The following IL1RAP variants were observed in gnomAD, a reference collection of about 807,000 sequenced individuals.
IL1RAP encodes interleukin 1 receptor accessory protein.
IL1RAP carries 35 observed loss-of-function variants against 60.7 expected under a neutral mutation model. That is an observed-to-expected ratio of 0.58 (90% CI 0.44 to 0.76). The LOEUF (loss-of-function observed/expected upper bound fraction) is 0.76. Among genes scored for constraint, IL1RAP ranks in the 30% least tolerant of loss-of-function variants. The pLI is 0.00. For synonymous variants in IL1RAP, 268 were observed against 250.9 expected (o/e 1.07, Z -0.64); for missense variants, 572 against 693.9 (o/e 0.82, Z 1.97).
chr3:190,623,355 A>C lies in IL1RAP; in HGVS notation c.715A>C (p.Asn239His). The C allele has an allele frequency of 1.2e-6, 2 of 1,613,284 alleles. No homozygotes were observed. The highest frequency in any genetic ancestry group is 2.2e-5 in the East Asian group (1 of 44,864). The change falls in exon 7 of 12, where the codon AAT becomes CAT. Residue 239 changes from asparagine to histidine, a missense_variant. By Grantham distance (68) the Asn-to-His change is moderately conservative (BLOSUM62 1). Coordinates refer to ENST00000447382, the MANE Select transcript of IL1RAP (RefSeq NM_002182.4). ...TTCCTCTAACACAGGCTCTCCAAAA[A>C]ATGCAGTGCCCCCTGTGATCCATTC... The part of the protein sequence containing the change: ...LTVKVVGSPK[N>H]AVPPVIHSPN...
chr3:190,644,889 G>A (rs1180950287), intron 10 of IL1RAP, among the ~76,000 whole-genome samples: 1 of 152,116 alleles, frequency 6.6e-6, no homozygotes, highest in East Asian at 1.9e-4. Context: ...CAATAGACTC[G>A]TGACTCGTGG....
chr3:190,594,032 C>T (rs74979059), intron 3 of IL1RAP, among the ~76,000 whole-genome samples: 8,613 of 152,182 alleles, frequency 0.057, 376 homozygotes, highest in East Asian at 0.14. Flanking sequence ...CTTATTTGAA[C>T]AGAGGAAATA....
At chr3:190,555,065 A>G (rs1725284649) in intron 1 of IL1RAP, among the ~76,000 whole-genome samples, 1 of 152,182 alleles carries the variant, frequency 6.6e-6, no homozygotes, top group South Asian at 2.1e-4. Flanking sequence ...CTTTTGAATT[A>G]GAGAGGTTAT....
chr3:190,578,170 T>A (rs1430862898), intron 3 of IL1RAP, among the ~76,000 whole-genome samples: 2 of 152,180 alleles, frequency 1.3e-5, no homozygotes, highest in Admixed American at 6.5e-5. Context: ...TACCCCCATA[T>A]CTAAAATGAA....
At chr3:190,532,429 A>T (rs1723070905) in intron 1 of IL1RAP, among the ~76,000 whole-genome samples, 3 of 151,720 alleles carry the variant, frequency 2.0e-5, no homozygotes, top group Non-Finnish European at 4.4e-5. Context: ...CGCCCTGCTA[A>T]TTTTTTGTAT....
rs544555005 is a variant in IL1RAP at position 190,526,500 on chromosome 3, A to G, written c.-89+12281A>G. ...CTATTCTTTCAAGTTGTATCATTTC[A>G]TTAGCAAATAGTGATAAAAACGTGG... On this transcript the variant is annotated intron_variant, in intron 1 of 11. Transcript: ENST00000447382. Among the ~76,000 whole-genome samples the G allele has an allele frequency of 1.1e-4, 17 of 152,354 alleles. No individual in the cohort carries two copies. In the East Asian group the frequency reaches 3.1e-3, roughly 28 times the overall value.
At chr3:190,575,468 G>A (rs1727357751) in intron 3 of IL1RAP, among the ~76,000 whole-genome samples, 1 of 152,052 alleles carries the variant, frequency 6.6e-6, no homozygotes, top group South Asian at 2.1e-4. Context: ...GAAAGTAATG[G>A]GATATTCCTT....
chr3:190,523,501 C>G (rs1175013660), intron 1 of IL1RAP, among the ~76,000 whole-genome samples: 1 of 151,930 alleles, frequency 6.6e-6, no homozygotes, highest in East Asian at 1.9e-4. Flanking sequence ...AGTAATTTTT[C>G]CTGATTCTCT....
intron 3 of IL1RAP, among the ~76,000 whole-genome samples, chr3:190,572,321 T>C (rs1234338731): frequency 6.6e-6 from 1 of 152,246 alleles, no homozygotes; most frequent in African/African-American, 2.4e-5. Flanking sequence ...ATATGACAGA[T>C]ATTTTGACAT....
At chr3:190,594,173 G>T (rs1322903754) in intron 3 of IL1RAP, among the ~76,000 whole-genome samples, 5 of 152,336 alleles carry the variant, frequency 3.3e-5, no homozygotes, top group South Asian at 2.1e-4. Flanking sequence ...TGCAGATCGT[G>T]ATTCAATACA....
intron 9 of IL1RAP, among the ~76,000 whole-genome samples, chr3:190,641,888 C>T (rs1232831477): frequency 6.6e-6 from 1 of 152,176 alleles, no homozygotes; most frequent in African/African-American, 2.4e-5. Context: ...TCTTAGTAAA[C>T]TTTCAGCAAC....
At position 190,594,342 on chromosome 3, in the gene IL1RAP, C is replaced by T. The variant is rs79933930; in HGVS notation, c.65-9786C>T. The stretch of plus-strand genomic sequence containing the variant: ...AAGTTCAGGGCTGGTAAGGCAACTC[C>T]GCAAGTTATTCAAGGTCCCACCTCC... On this transcript the variant is annotated intron_variant, in intron 3 of 11. Coordinates refer to ENST00000447382, the MANE Select transcript of IL1RAP (RefSeq NM_002182.4). Among the ~76,000 whole-genome samples the T allele has an allele frequency of 9.3e-3, 1,409 of 152,226 alleles. 59 individuals carry two copies. The East Asian group carries it at 0.13, about 15-fold the overall frequency.
chr3:190,514,992 CG>C (rs1240548009), intron 1 of IL1RAP, among the ~76,000 whole-genome samples: 1 of 152,170 alleles, frequency 6.6e-6, no homozygotes. Context: ...AAGCAAACTT[CG>C]GCTGTTTCCT....
At chr3:190,591,275 A>G (rs1014354790) in intron 3 of IL1RAP, among the ~76,000 whole-genome samples, 2 of 152,164 alleles carry the variant, frequency 1.3e-5, no homozygotes, top group African/African-American at 4.8e-5. Context: ...TACACATGGG[A>G]ATATTTAATT....
Position 190,529,844 on chromosome 3 carries a change from C to G in IL1RAP, c.-89+15625C>G, listed in dbSNP as rs538470756. Among the ~76,000 whole-genome samples, 5 of 139,896 alleles carry G rather than the reference C, an allele frequency of 3.6e-5. No individual in the cohort carries two copies. In the South Asian group the frequency reaches 9.0e-4, roughly 25 times the overall value. 91.8% of individuals were successfully genotyped at this position (139,896 alleles called of 152,430 possible). ...CTGCACTCCAGAGTGGGCAACAGAG[C>G]GAGACTCTGACTCAAAAAAAAAAAA... is the stretch of plus-strand genomic sequence containing the variant. On this transcript the variant is annotated intron_variant, in intron 1 of 11. Coordinates refer to ENST00000447382, the MANE Select transcript of IL1RAP (RefSeq NM_002182.4).
At chr3:190,609,254 A>G in intron 5 of IL1RAP, 73 bp downstream of exon 5, 1 of 1,056,712 alleles carries the variant, frequency 9.5e-7, no homozygotes, top group Non-Finnish European at 1.4e-6. Flanking sequence ...GCTGAGTTAT[A>G]TTTATAAGCA....
At chr3:190,587,313 G>A (rs1271636584) in intron 3 of IL1RAP, among the ~76,000 whole-genome samples, 1 of 152,126 alleles carries the variant, frequency 6.6e-6, no homozygotes, top group Non-Finnish European at 1.5e-5. Context: ...CTTCATGCTC[G>A]TCATTTGTTA....
At chr3:190,618,029 C>G (rs540249057) in intron 5 of IL1RAP, among the ~76,000 whole-genome samples, 1 of 152,314 alleles carries the variant, frequency 6.6e-6, no homozygotes, top group South Asian at 2.1e-4. Context: ...CAAAAGTGTG[C>G]TTCCTCAGTT....
intron 1 of IL1RAP, among the ~76,000 whole-genome samples, chr3:190,524,986 G>T (rs1257254399): frequency 7.4e-6 from 1 of 134,426 alleles, no homozygotes; most frequent in Non-Finnish European, 1.7e-5. Context: ...TTATGTCTAT[G>T]TACATATATA....
Sources: gnomAD v4.1 joint callset for allele counts (sites outside exome capture counted in the v4.1 genomes callset) on GRCh38, gnomAD v4.1.1 for gene constraint, MANE v1.5 for transcripts, NCBI Gene and HGNC (gene_info 2026-07-23, HGNC 2026-07-21) for gene names.